EYS: variants seen among roughly 807,000 people sequenced by gnomAD.
EYS encodes the protein EGF-like photoreceptor maintenance factor.
Under a neutral mutation model 282.1 loss-of-function variants are expected in EYS, and 250 were observed. The ratio of observed to expected loss-of-function variants is 0.89; its 90% CI spans 0.80 to 0.98. The LOEUF (loss-of-function observed/expected upper bound fraction) is 0.98, where lower values mean the gene tolerates loss of function less well. Ranked by LOEUF, EYS falls within the 50% of genes least tolerant of loss-of-function variation. EYS has a pLI of 0.00. For synonymous variants in EYS, 1,355 were observed against 1,282.9 expected, an observed-to-expected ratio of 1.06 and a Z score of -1.20; for missense variants, 4,016 against 3,709.0, an observed-to-expected ratio of 1.08 and a Z score of -2.15.
chr6:64,068,116 C>T (rs141672217), intron 32 of EYS, among the ~76,000 whole-genome samples: 3 of 152,090 alleles, frequency 2.0e-5, no homozygotes, highest in Non-Finnish European at 4.4e-5. Context: ...CAGCAGCATA[C>T]AAGAGTTCCA....
chr6:64,936,843 A>G (rs1200157541), intron 15 of EYS, among the ~76,000 whole-genome samples: 1 of 151,428 alleles, frequency 6.6e-6, no homozygotes, highest in Non-Finnish European at 1.5e-5. Context: ...TAAAATTCAT[A>G]TGGAAGTACA....
intron 28 of EYS, among the ~76,000 whole-genome samples, chr6:64,430,882 C>A (rs899980055): frequency 6.6e-6 from 1 of 152,104 alleles, no homozygotes; most frequent in Non-Finnish European, 1.5e-5. Flanking sequence ...ACATGGAACA[C>A]TTCAACAATA....
At chr6:64,186,980 A>G (rs1023392984) in intron 31 of EYS, among the ~76,000 whole-genome samples, 1 of 152,136 alleles carries the variant, frequency 6.6e-6, no homozygotes, top group Non-Finnish European at 1.5e-5. Context: ...GACACTTCAG[A>G]GTAAGTTAGC....
chr6:64,422,492 A>G (rs1430455143), intron 28 of EYS, among the ~76,000 whole-genome samples: 1 of 152,190 alleles, frequency 6.6e-6, no homozygotes, highest in Non-Finnish European at 1.5e-5. Context: ...TTAAAACCTT[A>G]TGGTACTTGG....
At chr6:64,282,565 T>A (rs562430946) in intron 30 of EYS, among the ~76,000 whole-genome samples, 4 of 152,336 alleles carry the variant, frequency 2.6e-5, no homozygotes, top group Non-Finnish European at 5.9e-5. Context: ...GTCTTCCAGC[T>A]GAGGTTTTTC....
intron 32 of EYS, among the ~76,000 whole-genome samples, chr6:64,068,385 TA>T (rs1771453186): frequency 6.6e-6 from 1 of 152,094 alleles, no homozygotes; most frequent in South Asian, 2.1e-4. Flanking sequence ...CAGTTCTGTA[TA>T]TTGACTTGCC....
intron 29 of EYS, among the ~76,000 whole-genome samples, chr6:64,348,732 T>A (rs1771508117): frequency 6.6e-6 from 1 of 151,444 alleles, no homozygotes; most frequent in South Asian, 2.1e-4. Flanking sequence ...AATGAGGTAT[T>A]TTTTCAAAGT....
intron 26 of EYS, among the ~76,000 whole-genome samples, chr6:64,564,786 G>A (rs1039803705): frequency 6.6e-6 from 1 of 151,650 alleles, no homozygotes; most frequent in African/African-American, 2.4e-5. Flanking sequence ...GGGGCCTGTA[G>A]GTTGGGGTGG....
intron 15 of EYS, among the ~76,000 whole-genome samples, chr6:64,913,861 G>T (rs140403924): frequency 6.6e-6 from 1 of 151,972 alleles, no homozygotes; most frequent in East Asian, 1.9e-4. Context: ...AACTAAATTC[G>T]TATTAATATT....
intron 34 of EYS, among the ~76,000 whole-genome samples, chr6:63,985,722 G>A (rs1025199574): frequency 1.8e-4 from 28 of 151,638 alleles, no homozygotes; most frequent in African/African-American, 6.1e-4. Context: ...TTACTGGCTA[G>A]CCATATGCAG....
At chr6:63,876,490 T>A (rs899281895) in intron 35 of EYS, among the ~76,000 whole-genome samples, 1 of 152,152 alleles carries the variant, frequency 6.6e-6, no homozygotes, top group African/African-American at 2.4e-5. Flanking sequence ...TATTAGGTCC[T>A]CTTGGTGCAG....
At chr6:65,392,013 G>A (rs1344065052) in intron 7 of EYS, among the ~76,000 whole-genome samples, 12 of 151,478 alleles carry the variant, frequency 7.9e-5, no homozygotes, top group Non-Finnish European at 1.5e-4. Context: ...CAGAAATAAC[G>A]CCGCATATCT....
intron 5 of EYS, among the ~76,000 whole-genome samples, chr6:65,487,434 T>C (rs879057953): frequency 6.6e-6 from 1 of 152,206 alleles, no homozygotes; most frequent in South Asian, 2.1e-4. Flanking sequence ...GAGATAATCA[T>C]GTGCTTTTTG....
At chr6:64,624,551 C>T (rs1767543130) in intron 23 of EYS, among the ~76,000 whole-genome samples, 2 of 152,062 alleles carry the variant, frequency 1.3e-5, no homozygotes, top group South Asian at 2.1e-4. Flanking sequence ...CAAGAGTTCC[C>T]ATTTTATGTA....
intron 2 of EYS, among the ~76,000 whole-genome samples, chr6:65,582,436 T>C (rs1764905997): frequency 1.3e-5 from 2 of 152,134 alleles, no homozygotes; most frequent in African/African-American, 4.8e-5. Context: ...AATTTCCCCT[T>C]AGTCCTGTTT....
At chr6:64,551,513 C>T (rs1212284999) in intron 26 of EYS, among the ~76,000 whole-genome samples, 1 of 151,046 alleles carries the variant, frequency 6.6e-6, no homozygotes, top group Non-Finnish European at 1.5e-5. Context: ...CTGAAGAGAC[C>T]CCTCATCTCA....
At chr6:65,219,059 T>C (rs1239170234) in intron 12 of EYS, among the ~76,000 whole-genome samples, 1 of 152,156 alleles carries the variant, frequency 6.6e-6, no homozygotes, top group Non-Finnish European at 1.5e-5. Flanking sequence ...AGCCTTAATT[T>C]ACATAGAAGA....
chr6:65,350,366 G>T (rs1159479842), intron 9 of EYS, among the ~76,000 whole-genome samples: 3 of 151,122 alleles, frequency 2.0e-5, no homozygotes, highest in Non-Finnish European at 3.0e-5. Context: ...TAATATTCTG[G>T]AATGTCTTCT....
intron 2 of EYS, among the ~76,000 whole-genome samples, chr6:65,629,628 C>T (rs114910029): frequency 0.013 from 1,956 of 152,230 alleles, 30 homozygotes; most frequent in African/African-American, 0.044. Context: ...CAACAATCTC[C>T]ACACATCAGT....
Sources: gnomAD v4.1 joint callset for allele counts (sites outside exome capture counted in the v4.1 genomes callset) on GRCh38, gnomAD v4.1.1 for gene constraint, MANE v1.5 for transcripts, NCBI Gene and HGNC (gene_info 2026-07-23, HGNC 2026-07-21) for gene names.